Variants in PHF20L1 observed in about 807,000 individuals in gnomAD.
PHF20L1 encodes the protein PHD finger protein 20-like protein 1.
In PHF20L1, 44 loss-of-function variants were observed where a neutral mutation model predicts 125.5. The ratio of observed to expected loss-of-function variants is 0.35; its 90% CI spans 0.28 to 0.45. The LOEUF is 0.45. PHF20L1 is among the 20% of genes least tolerant of loss of function. The pLI is 1.00. For synonymous variants in PHF20L1, 380 were observed against 403.1 expected (o/e 0.94, Z 0.69); for missense variants, 1,012 against 1,217.2 (o/e 0.83, Z 2.51).
chr8:132,789,312 A>G (rs2131393051), intron 2 of PHF20L1, among the ~76,000 whole-genome samples: 1 of 152,226 alleles, frequency 6.6e-6, no homozygotes, highest in East Asian at 1.9e-4. Flanking sequence ...ACAACATATC[A>G]GATAATGCAA....
chr8:132,847,229 T>C lies in PHF20L1; in HGVS notation c.*1306T>C, dbSNP rs1051370393. 6.6e-6 allele frequency: 1 copy of C among 152,608 alleles called. No individual in the cohort carries two copies. The highest frequency in any genetic ancestry group is 1.5e-5 in the Non-Finnish European group (1 of 68,008). 9.5% of individuals were successfully genotyped at this position (152,608 alleles called of 1,614,324 possible). On this transcript the variant is annotated 3_prime_UTR_variant, in exon 21 of 21. Transcript: ENST00000395386. ...ACATATTTATATCACATATCTAGTT[T>C]TATTACTATAGACTATACGAATTGG...
At chr8:132,798,984 C>A in intron 5 of PHF20L1, 111 bp from the exon 6 acceptor site, 1 of 1,097,130 alleles carries the variant, frequency 9.1e-7, no homozygotes, top group Non-Finnish European at 1.3e-6. Context: ...GCTGATAGCC[C>A]CAAATAGCAG....
intron 2 of PHF20L1, among the ~76,000 whole-genome samples, 166 bp from the exon 3 acceptor site, chr8:132,794,244 T>C (rs1196748058): frequency 2.6e-5 from 4 of 152,204 alleles, no homozygotes; most frequent in African/African-American, 7.2e-5. Flanking sequence ...CGATCATTTA[T>C]AAAGACAATA....
intron 17 of PHF20L1, chr8:132,838,153 AT>A (rs894696163): frequency 6.2e-5 from 12 of 194,876 alleles, no homozygotes; most frequent in Non-Finnish European, 9.9e-5. Context: ...TTACATTTTT[AT>A]TTTCCACATT....
chr8:132,811,370 A>C (rs1396506766), intron 9 of PHF20L1: 4 of 1,197,662 alleles, frequency 3.3e-6, no homozygotes. Context: ...GCCTGGAGAC[A>C]GGCATCCCAG....
chr8:132,794,879 T>TA, intron 4 of PHF20L1, 62 bp downstream of exon 4: 1 of 1,034,380 alleles, frequency 9.7e-7, no homozygotes, highest in Non-Finnish European at 1.5e-6. Flanking sequence ...CACTGTATTT[T>TA]AAATTTTAAT....
intron 19 of PHF20L1, chr8:132,843,113 T>C (rs1308479354): frequency 8.3e-7 from 1 of 1,208,490 alleles, no homozygotes; most frequent in African/African-American, 1.6e-5. Flanking sequence ...CTAACAAAAG[T>C]TTCAATTGTA....
At chr8:132,830,219 T>C (rs35039123) in intron 14 of PHF20L1, among the ~76,000 whole-genome samples, 19,436 of 151,770 alleles carry the variant, frequency 0.13, 1,429 homozygotes, top group East Asian at 0.35. Context: ...TCAGCAGTGG[T>C]CCAGTCTTTC....
intron 14 of PHF20L1, chr8:132,826,593 A>G (rs1304365897): frequency 6.6e-6 from 1 of 152,094 alleles, no homozygotes; most frequent in Non-Finnish European, 1.5e-5. Context: ...TCACTTATAT[A>G]AAGATAAAAA....
intron 12 of PHF20L1, among the ~76,000 whole-genome samples, chr8:132,822,257 G>A (rs530707106): frequency 5.3e-5 from 8 of 152,000 alleles, no homozygotes; most frequent in South Asian, 4.1e-4. Context: ...GTTAACTTCC[G>A]TGTTTCTGGT....
In PHF20L1 at chr8:132,775,408, G is replaced by A; in HGVS notation, c.-275G>A. On this transcript the variant is annotated 5_prime_UTR_variant, in exon 1 of 21. Transcript: ENST00000395386. ...GCGTCAGGGCTGGCCGGCGGCGGAG[G>A]CGGCGGCGGCGGCGGCGATGGCAGC... is the stretch of plus-strand genomic sequence containing the variant. 5.4e-6 allele frequency: 2 copies of A among 372,492 alleles called. No individual in the cohort carries two copies. Among genetic ancestry groups the A allele is most frequent in the Non-Finnish European group, 4.7e-6 (1 of 211,974 alleles). The allele number at this position is 372,492 out of a possible 1,614,324, so 23.1% of individuals were successfully genotyped here.
chr8:132,811,670 A>T, intron 9 of PHF20L1: 6 of 985,370 alleles, frequency 6.1e-6, no homozygotes, highest in Non-Finnish European at 7.2e-6. Flanking sequence ...GAGGAATTTA[A>T]AAGTGAAGGT....
chr8:132,816,572 G>A (rs182732616), intron 10 of PHF20L1: 2 of 217,794 alleles, frequency 9.2e-6, no homozygotes, highest in East Asian at 2.3e-4. Context: ...AGGAAAAATG[G>A]CAATTTACAC....
At position 132,825,272 on chromosome 8, in the gene PHF20L1, A is replaced by G. The variant is rs1307387788; in HGVS notation, c.1645A>G (p.Lys549Glu). Residue 549 changes from lysine (K) to glutamate (E), a missense_variant, in exon 14 of 21, where the codon AAA becomes GAA. Transcript: ENST00000395386. ...TCACTTTTATCTTTTAGGTAAGAGA[A>G]AAGAAAAAGATAAGGAAAGAAGAGA... ...DKSSTAFGKR[K>E]EKDKERREKR... The G allele has an allele frequency of 1.3e-6, 2 of 1,575,646 alleles. No individual in the cohort carries two copies. Among genetic ancestry groups the G allele is most frequent in the African/African-American group, 2.7e-5 (2 of 73,472 alleles).
chr8:132,811,068 T>G lies in PHF20L1; in HGVS notation c.870T>G (p.Val290=). ...AAGGTTTGTTGGCATCCAAAGCTGT[T>G]GGGGTTGATGGTGCTGAAAAAAAGG... ...KITGLLASKA[V]GVDGAEKKED... The change falls in exon 9 of 21, where the codon GTT becomes GTG. Residue 290 remains valine (V), a synonymous_variant. Transcript: ENST00000395386. 1 of 1,610,648 alleles carries G rather than the reference T, an allele frequency of 6.2e-7. No individual in the cohort carries two copies. Among genetic ancestry groups the G allele is most frequent in the Non-Finnish European group, 8.5e-7 (1 of 1,176,932 alleles).
At chr8:132,812,302 T>C (rs1262866092) in intron 9 of PHF20L1, 1 of 985,032 alleles carries the variant, frequency 1.0e-6, no homozygotes, top group Admixed American at 6.2e-5. Context: ...TAATAAAATG[T>C]TTCTGGAAAA....
intron 2 of PHF20L1, among the ~76,000 whole-genome samples, chr8:132,794,082 C>G (rs919161927): frequency 2.0e-5 from 3 of 151,998 alleles, no homozygotes; most frequent in African/African-American, 7.2e-5. Context: ...ATAATGTTTT[C>G]TGTATATAAT....
At chr8:132,787,818 T>C (rs2131379459) in intron 2 of PHF20L1, among the ~76,000 whole-genome samples, 1 of 152,244 alleles carries the variant, frequency 6.6e-6, no homozygotes, top group African/African-American at 2.4e-5. Context: ...ACTAAAACTT[T>C]TAAAGGGTAA....
intron 2 of PHF20L1, among the ~76,000 whole-genome samples, chr8:132,787,481 A>G (rs1831186675): frequency 6.6e-6 from 1 of 152,144 alleles, no homozygotes. Context: ...GGCCTGAGAA[A>G]TAATGTGATG....
Sources: allele counts gnomAD v4.1 joint callset (sites outside exome capture counted in the v4.1 genomes callset), GRCh38; gene constraint gnomAD v4.1.1; transcripts MANE v1.5; gene names NCBI Gene and HGNC (gene_info 2026-07-23, HGNC 2026-07-21).